DDR2: variants seen among roughly 807,000 people sequenced by gnomAD.
DDR2 encodes the protein discoidin domain receptor tyrosine kinase 2.
In DDR2, 27 loss-of-function variants were observed where a neutral mutation model predicts 94.9. That is an observed-to-expected ratio of 0.28 (90% CI 0.21 to 0.39). The LOEUF is 0.39. DDR2 is among the 10% of genes least tolerant of loss of function. DDR2 has a pLI of 1.00. For synonymous variants in DDR2, 382 were observed against 377.2 expected (o/e 1.01, Z -0.15); for missense variants, 783 against 1,076.0 (o/e 0.73, Z 3.81).
At chr1:162,637,573 TAATA>T (rs1388907577) in intron 1 of DDR2, among the ~76,000 whole-genome samples, 14 of 152,126 alleles carry the variant, frequency 9.2e-5, no homozygotes, top group East Asian at 7.7e-4. Context: ...CATAACAAAA[TAATA>T]AATAAATTTA....
At chr1:162,689,925 A>C (rs1288538612) in intron 2 of DDR2, among the ~76,000 whole-genome samples, 1 of 141,116 alleles carries the variant, frequency 7.1e-6, no homozygotes, top group East Asian at 2.2e-4. Context: ...CTGAGTTGGG[A>C]GGATCCCTTG....
Position 162,785,143 on chromosome 1 carries a change from C to T in DDR2, c.*4897C>T, listed in dbSNP as rs534561672. On this transcript the variant is annotated 3_prime_UTR_variant, in exon 18 of 18. Transcript: ENST00000367921. ...CCAAGACAAACTTAGAAAGATTAGG[C>T]AACACAAAACACAGTAAGACCTGTT... 1.1e-4 allele frequency: 17 copies of T among 152,264 alleles called. No homozygotes were observed. Among genetic ancestry groups the T allele is most frequent in the South Asian group, 4.1e-4 (2 of 4,826 alleles). 9.4% of individuals were successfully genotyped at this position (152,264 alleles called of 1,614,324 possible).
chr1:162,697,839 T>C (rs1660259711), intron 2 of DDR2, among the ~76,000 whole-genome samples: 1 of 152,212 alleles, frequency 6.6e-6, no homozygotes, highest in Admixed American at 6.5e-5. Context: ...CTCACACAGT[T>C]AGTAAAGGTC....
intron 2 of DDR2, among the ~76,000 whole-genome samples, chr1:162,710,283 G>A (rs948444317): frequency 3.3e-5 from 5 of 152,094 alleles, no homozygotes; most frequent in African/African-American, 1.2e-4. Context: ...ATCCAGTGTG[G>A]GTCACCTCAG....
At chr1:162,708,140 G>A (rs570731567) in intron 2 of DDR2, among the ~76,000 whole-genome samples, 1 of 152,298 alleles carries the variant, frequency 6.6e-6, no homozygotes, top group East Asian at 1.9e-4. Context: ...TCTTGAGTAT[G>A]TTAAGGGAAA....
chr1:162,729,301 T>TATATATATATATATATA (rs755861408), intron 3 of DDR2, among the ~76,000 whole-genome samples: 4 of 60,112 alleles, frequency 6.7e-5, no homozygotes, highest in African/African-American at 2.5e-4. Context: ...TATATATATA[T>TATATATATATATATATA]TTTTTTTTTT....
chr1:162,649,500 C>A (rs1176262731), intron 1 of DDR2, among the ~76,000 whole-genome samples: 1 of 152,122 alleles, frequency 6.6e-6, no homozygotes, highest in Non-Finnish European at 1.5e-5. Context: ...TCAGTTTCCC[C>A]AGGGGTTATG....
chr1:162,753,491 C>T (rs772725350), intron 4 of DDR2, among the ~76,000 whole-genome samples: 3 of 152,190 alleles, frequency 2.0e-5, no homozygotes, highest in Non-Finnish European at 4.4e-5. Flanking sequence ...CCCTGACTTT[C>T]TCATTGTGAG....
chr1:162,723,902 A>T (rs1022686395), intron 3 of DDR2, among the ~76,000 whole-genome samples: 3 of 152,198 alleles, frequency 2.0e-5, no homozygotes, highest in Non-Finnish European at 2.9e-5. Flanking sequence ...AAAGAGTGGC[A>T]AAGCCATTCA....
chr1:162,774,157 C>T (rs1183470440), intron 14 of DDR2, among the ~76,000 whole-genome samples: 2 of 152,166 alleles, frequency 1.3e-5, no homozygotes, highest in Non-Finnish European at 2.9e-5. Context: ...GTTTTCCAAA[C>T]TGGCTAATAA....
At chr1:162,741,641 G>T in intron 3 of DDR2, 1 of 985,400 alleles carries the variant, frequency 1.0e-6, no homozygotes, top group Non-Finnish European at 1.2e-6. Flanking sequence ...AGGAATGCCT[G>T]CCTTGGACAG....
At chr1:162,774,696 T>C (rs907797396) in intron 14 of DDR2, among the ~76,000 whole-genome samples, 1 of 152,156 alleles carries the variant, frequency 6.6e-6, no homozygotes, top group Non-Finnish European at 1.5e-5. Context: ...TGACAAAGCC[T>C]TTCTCCGTTG....
chr1:162,759,413 T>C (rs546356856), intron 7 of DDR2, among the ~76,000 whole-genome samples: 1 of 152,306 alleles, frequency 6.6e-6, no homozygotes, highest in African/African-American at 2.4e-5. Context: ...CCTCATTTAC[T>C]CTATGAATTA....
chr1:162,739,522 G>T (rs139039515), intron 3 of DDR2, among the ~76,000 whole-genome samples: 2,928 of 152,006 alleles, frequency 0.019, 36 homozygotes, highest in Middle Eastern at 0.11. Context: ...GGCCAGTCTG[G>T]TCTCAAACTC....
At position 162,735,089 on chromosome 1, in the gene DDR2, A is replaced by G. The variant is rs756769875; in HGVS notation, c.82+15944A>G. Among the ~76,000 whole-genome samples, 3 of 152,212 alleles carry G rather than the reference A, an allele frequency of 2.0e-5. No homozygotes were observed. The South Asian group carries it at 6.2e-4, about 32-fold the overall frequency. On this transcript the variant is annotated intron_variant, in intron 3 of 17. Coordinates refer to ENST00000367921, the MANE Select transcript of DDR2 (RefSeq NM_006182.4). Reference sequence around the variant, plus strand: ...TGGACTGGATGGTTCTCAAAGGCCAAGCTTACTTCTCATTCCTTGACTGCC... The same window carrying G: ...TGGACTGGATGGTTCTCAAAGGCCAGGCTTACTTCTCATTCCTTGACTGCC...
At chr1:162,742,547 G>A (rs1024509609) in intron 3 of DDR2, among the ~76,000 whole-genome samples, 1 of 152,206 alleles carries the variant, frequency 6.6e-6, no homozygotes, top group Admixed American at 6.5e-5. Flanking sequence ...TTATCACCAA[G>A]GGCATGGCCC....
At chr1:162,757,115 A>T (rs1265860726) in intron 7 of DDR2, among the ~76,000 whole-genome samples, 1 of 152,232 alleles carries the variant, frequency 6.6e-6, no homozygotes, top group Non-Finnish European at 1.5e-5. Flanking sequence ...AGTAAACTAT[A>T]GTAGGAAAGC....
At chr1:162,776,021 A>G in intron 15 of DDR2, 115 bp from the exon 16 acceptor site, 1 of 1,301,792 alleles carries the variant, frequency 7.7e-7, no homozygotes. Flanking sequence ...CATCAAGAGT[A>G]GAGAAAGAAT....
intron 3 of DDR2, among the ~76,000 whole-genome samples, chr1:162,735,333 T>TTATTTACA (rs1662243498): frequency 6.6e-6 from 1 of 152,114 alleles, no homozygotes; most frequent in African/African-American, 2.4e-5. Context: ...GTGTAACAAG[T>TTATTTACA]TATTTACATG....
Sources: gnomAD v4.1 joint callset for allele counts (sites outside exome capture counted in the v4.1 genomes callset) on GRCh38, gnomAD v4.1.1 for gene constraint, MANE v1.5 for transcripts, NCBI Gene and HGNC (gene_info 2026-07-23, HGNC 2026-07-21) for gene names.